Variants in EDIL3 observed in about 807,000 individuals in gnomAD.
EDIL3 encodes EGF like and discoidin domains 3, also known as EGF-like repeat and discoidin I-like domain-containing protein 3.
In EDIL3, 37 loss-of-function variants were observed where a neutral mutation model predicts 67.4. The observed-to-expected ratio is 0.55, with a 90% confidence interval of 0.42 to 0.72. The LOEUF (loss-of-function observed/expected upper bound fraction) is 0.72. EDIL3 is among the 30% of genes least tolerant of loss of function. The probability of loss-of-function intolerance (pLI) is 0.00; values close to 1 mark genes in which losing one functional copy is unlikely to be tolerated. For missense variants in EDIL3, 527 were observed against 586.3 expected (o/e 0.90, Z 1.04); for synonymous variants, 195 against 196.3 (o/e 0.99, Z 0.05).
chr5:84,009,728 T>A (rs1745485826), intron 9 of EDIL3, among the ~76,000 whole-genome samples: 2 of 152,304 alleles, frequency 1.3e-5, no homozygotes, highest in African/African-American at 4.8e-5. Context: ...AATGGATGAC[T>A]CGAGACCAGA....
chr5:83,979,568 T>C (rs960781911), intron 9 of EDIL3, among the ~76,000 whole-genome samples: 1 of 152,130 alleles, frequency 6.6e-6, no homozygotes, highest in Non-Finnish European at 1.5e-5. Flanking sequence ...ATTATATGTA[T>C]CAACTTGGAA....
chr5:84,313,213 A>C (rs1454596369), intron 1 of EDIL3, among the ~76,000 whole-genome samples: 3 of 152,244 alleles, frequency 2.0e-5, no homozygotes, highest in African/African-American at 7.2e-5. Context: ...AAAAGACAGA[A>C]CATGCCAATT....
At chr5:84,042,287 A>AT (rs72059425) in intron 9 of EDIL3, among the ~76,000 whole-genome samples, 17,788 of 146,912 alleles carry the variant, frequency 0.12, 1,650 homozygotes, top group African/African-American at 0.26. Flanking sequence ...GCAAATGGAA[A>AT]TTTTTTTTTT....
chr5:83,952,381 G>T (rs904814719), intron 10 of EDIL3, among the ~76,000 whole-genome samples: 2 of 151,684 alleles, frequency 1.3e-5, no homozygotes, highest in Non-Finnish European at 2.9e-5. Flanking sequence ...TGCCTATAAA[G>T]ATTTATGAAA....
intron 4 of EDIL3, among the ~76,000 whole-genome samples, chr5:84,177,320 G>GA (rs911102517): frequency 2.9e-4 from 44 of 151,700 alleles, no homozygotes; most frequent in African/African-American, 9.9e-4. Context: ...ATTGATAAGT[G>GA]AAAAAAAATC....
Position 84,228,625 on chromosome 5 carries a change from T to A in EDIL3, c.226+1230A>T, listed in dbSNP as rs567048096. ...GGGTTTGTCTGAATGTCTGATTCCATTTCAAAGGCAGTTTATAGTTATAAT... is the reference window on the plus strand; with the variant it reads ...GGGTTTGTCTGAATGTCTGATTCCAATTCAAAGGCAGTTTATAGTTATAAT... On this transcript the variant is annotated intron_variant, in intron 3 of 10. Transcript: ENST00000296591. Among the ~76,000 whole-genome samples, 11 of 152,282 alleles carry A rather than the reference T, an allele frequency of 7.2e-5. No individual in the cohort carries two copies. In the South Asian group the frequency reaches 1.7e-3, roughly 23 times the overall value.
At chr5:83,956,547 T>C (rs1744516863) in intron 10 of EDIL3, among the ~76,000 whole-genome samples, 1 of 151,782 alleles carries the variant, frequency 6.6e-6, no homozygotes. Context: ...CAGGCAGATC[T>C]AGGCCTGCAA....
At chr5:83,976,232 A>G (rs892740380) in intron 9 of EDIL3, among the ~76,000 whole-genome samples, 3 of 151,872 alleles carry the variant, frequency 2.0e-5, no homozygotes, top group Admixed American at 1.3e-4. Context: ...GTAACAGACA[A>G]TGACATAAGT....
chr5:84,276,533 A>T (rs950148769), intron 1 of EDIL3, among the ~76,000 whole-genome samples: 1 of 151,874 alleles, frequency 6.6e-6, no homozygotes, highest in African/African-American at 2.4e-5. Context: ...TAGATTACCA[A>T]TGTCTTTATT....
intron 9 of EDIL3, among the ~76,000 whole-genome samples, chr5:84,051,798 A>G (rs1746344358): frequency 6.6e-6 from 1 of 152,232 alleles, no homozygotes; most frequent in Non-Finnish European, 1.5e-5. Context: ...TCCAAGAAAT[A>G]TGGGACTATG....
chr5:84,077,239 C>T (rs561704863), intron 6 of EDIL3, among the ~76,000 whole-genome samples: 1 of 152,082 alleles, frequency 6.6e-6, no homozygotes. Context: ...GTAAAAGTGG[C>T]AAATATCGTC....
intron 9 of EDIL3, among the ~76,000 whole-genome samples, chr5:84,034,467 T>C (rs925091623): frequency 6.6e-6 from 1 of 152,186 alleles, no homozygotes; most frequent in African/African-American, 2.4e-5. Context: ...CTTCCTTCAG[T>C]GTAGTCATGA....
chr5:84,157,816 A>G (rs552527435), intron 4 of EDIL3, among the ~76,000 whole-genome samples: 1 of 152,032 alleles, frequency 6.6e-6, no homozygotes, highest in African/African-American at 2.4e-5. Flanking sequence ...ATGTAGTATG[A>G]ATTAAAAAAA....
chr5:84,107,188 C>G (rs1747480628), intron 5 of EDIL3, among the ~76,000 whole-genome samples: 1 of 152,068 alleles, frequency 6.6e-6, no homozygotes, highest in South Asian at 2.1e-4. Context: ...GCATGCCTCA[C>G]AAATTATAAG....
chr5:83,946,123 C>T (rs1359150669), intron 10 of EDIL3, among the ~76,000 whole-genome samples: 1 of 151,928 alleles, frequency 6.6e-6, no homozygotes, highest in Non-Finnish European at 1.5e-5. Context: ...CTAGAAAGTG[C>T]TTTCACAGGC....
intron 1 of EDIL3, among the ~76,000 whole-genome samples, chr5:84,371,433 G>A (rs1311998696): frequency 1.6e-5 from 2 of 128,362 alleles, no homozygotes; most frequent in Non-Finnish European, 3.2e-5. Flanking sequence ...ATATGTGTGT[G>A]TATATATATA....
In EDIL3 at chr5:84,064,745, T is replaced by C; in HGVS notation, c.907A>G (p.Arg303Gly). The change falls in exon 8 of 11, where the codon AGA (arginine) becomes GGA (glycine). Residue 303 changes from arginine to glycine, a missense_variant. Arg to Gly is a moderately radical substitution (Grantham distance 125, BLOSUM62 -2). This residue lies in a region of EDIL3 where 494 missense variants were observed against 522.5 expected (regional missense o/e 0.95). Coordinates refer to ENST00000296591, the MANE Select transcript of EDIL3 (RefSeq NM_005711.5). ...AGTTCCATTCGCAAAGTGCAATGTC[T>C]TCGACAAACTTGGGGATAGAGTCTT... ...YVRLYPQVCR[R>G]HCTLRMELLG... The C allele has an allele frequency of 6.2e-7, 1 of 1,613,864 alleles. No individual in the cohort carries two copies. The highest frequency in any genetic ancestry group is 1.7e-5 in the Admixed American group (1 of 60,020).
chr5:84,368,284 A>G (rs1422217011), intron 1 of EDIL3, among the ~76,000 whole-genome samples: 1 of 152,190 alleles, frequency 6.6e-6, no homozygotes, highest in Non-Finnish European at 1.5e-5. Context: ...AAACAAATGG[A>G]ATAGAATAGA....
intron 6 of EDIL3, among the ~76,000 whole-genome samples, chr5:84,091,131 C>T (rs1747159187): frequency 6.6e-6 from 1 of 152,116 alleles, no homozygotes; most frequent in Non-Finnish European, 1.5e-5. Flanking sequence ...GTTACAAATG[C>T]TTTAGGGCTG....
Sources: allele counts gnomAD v4.1 joint callset (sites outside exome capture counted in the v4.1 genomes callset), GRCh38; gene constraint gnomAD v4.1.1; regional missense constraint gnomAD v4.1.1; transcripts MANE v1.5; gene names NCBI Gene and HGNC (gene_info 2026-07-23, HGNC 2026-07-21).